The following GNG4 variants were observed in gnomAD, a reference collection of about 807,000 sequenced individuals.
GNG4 encodes guanine nucleotide-binding protein G(I)/G(S)/G(O) subunit gamma-4.
Under a neutral mutation model 5.8 loss-of-function variants are expected in GNG4, and 4 were observed. That is an observed-to-expected ratio of 0.69 (90% CI 0.34 to 1.57). The LOEUF (loss-of-function observed/expected upper bound fraction) is 1.57, where lower values mean the gene tolerates loss of function less well. Ranked by LOEUF, GNG4 falls within the 40% of genes most tolerant of loss-of-function variation. The probability of loss-of-function intolerance (pLI) is 0.06; values close to 1 mark genes in which losing one functional copy is unlikely to be tolerated. For missense variants in GNG4, 96 were observed against 95.1 expected (o/e 1.01, Z -0.04); for synonymous variants, 29 against 32.9 (o/e 0.88, Z 0.41).
chr1:235,586,619 AC>A (rs1453060021), intron 2 of GNG4, among the ~76,000 whole-genome samples: 2 of 152,162 alleles, frequency 1.3e-5, no homozygotes, highest in Non-Finnish European at 2.9e-5. Flanking sequence ...GCTCAGCGCC[AC>A]CCTTTGGTGA....
chr1:235,617,889 T>TAAAAAAAAAA (rs34128028), intron 1 of GNG4, among the ~76,000 whole-genome samples: 3 of 109,716 alleles, frequency 2.7e-5, no homozygotes, highest in African/African-American at 7.4e-5. Context: ...TGCCTCTATC[T>TAAAAAAAAAA]AAAAAAAAAA....
intron 1 of GNG4, among the ~76,000 whole-genome samples, chr1:235,603,495 G>A (rs1688297555): frequency 6.6e-6 from 1 of 152,112 alleles, no homozygotes; most frequent in African/African-American, 2.4e-5. Context: ...CTCCCACCCA[G>A]ACACCCAGGG....
chr1:235,612,235 C>T (rs547187437), intron 1 of GNG4, among the ~76,000 whole-genome samples: 4 of 152,284 alleles, frequency 2.6e-5, no homozygotes, highest in South Asian at 4.1e-4. Context: ...GATGACAGAA[C>T]GTGCTCCGAT....
chr1:235,634,668 C>G (rs777646081), intron 1 of GNG4, among the ~76,000 whole-genome samples: 1 of 152,352 alleles, frequency 6.6e-6, no homozygotes, highest in East Asian at 1.9e-4. Flanking sequence ...GCTGGCTGGA[C>G]GCAGTGGCTC....
intron 3 of GNG4, among the ~76,000 whole-genome samples, chr1:235,562,085 C>T (rs1687077103): frequency 6.6e-6 from 1 of 152,162 alleles, no homozygotes; most frequent in Non-Finnish European, 1.5e-5. Flanking sequence ...ATGGTATTGG[C>T]TTTGCACCTT....
Position 235,549,568 on chromosome 1 carries a change from T to C in GNG4, c.*2541A>G, listed in dbSNP as rs1686684061. Reference sequence around the variant, plus strand: ...TGACGTGAAGCACAGAATAAAGAGATCCTGGTCATAACTGCACTATCAAAG... The same window carrying C: ...TGACGTGAAGCACAGAATAAAGAGACCCTGGTCATAACTGCACTATCAAAG... On this transcript the variant is annotated 3_prime_UTR_variant, in exon 4 of 4. Coordinates refer to ENST00000391854, the MANE Select transcript of GNG4 (RefSeq NM_001098722.2). 2 of 152,198 alleles carry C rather than the reference T, an allele frequency of 1.3e-5. No individual in the cohort carries two copies. Among genetic ancestry groups the C allele is most frequent in the African/African-American group, 4.8e-5 (2 of 41,446 alleles). 9.4% of individuals were successfully genotyped at this position (152,198 alleles called of 1,614,324 possible). A position where few individuals can be genotyped will look rare whatever the true frequency, so the allele number is the denominator to read the frequency against.
At chr1:235,628,161 C>T (rs1688856336) in intron 1 of GNG4, among the ~76,000 whole-genome samples, 1 of 152,126 alleles carries the variant, frequency 6.6e-6, no homozygotes, top group South Asian at 2.1e-4. Context: ...GCCTGGGCAA[C>T]AAGAGCGAAA....
intron 1 of GNG4, among the ~76,000 whole-genome samples, chr1:235,599,104 T>TTGGTGTGTA (rs1688192292): frequency 1.3e-5 from 2 of 152,018 alleles, no homozygotes; most frequent in African/African-American, 4.8e-5. Context: ...ATCCCACACT[T>TTGGTGTGTA]TGGTGTGTAT....
intron 3 of GNG4, among the ~76,000 whole-genome samples, chr1:235,575,758 G>C (rs144458313): frequency 5.9e-5 from 9 of 152,346 alleles, no homozygotes; most frequent in African/African-American, 2.2e-4. Flanking sequence ...ACAGACATAG[G>C]ATTGACCCAA....
At chr1:235,564,936 G>A (rs1407104942) in intron 3 of GNG4, among the ~76,000 whole-genome samples, 5 of 152,134 alleles carry the variant, frequency 3.3e-5, no homozygotes, top group Admixed American at 3.3e-4. Flanking sequence ...GCCCACCTTG[G>A]CCTCCCAAAA....
chr1:235,570,394 C>CTTTTTT (rs11459490), intron 3 of GNG4, among the ~76,000 whole-genome samples: 15 of 105,552 alleles, frequency 1.4e-4, no homozygotes, highest in Non-Finnish European at 1.6e-4. Context: ...TTCACCTCTT[C>CTTTTTT]TTTTTTTTTT....
chr1:235,582,776 G>A (rs920301632), intron 3 of GNG4, among the ~76,000 whole-genome samples: 1 of 152,162 alleles, frequency 6.6e-6, no homozygotes, highest in Non-Finnish European at 1.5e-5. Context: ...CTTACATCAC[G>A]CTGGATTCCT....
intron 1 of GNG4, among the ~76,000 whole-genome samples, chr1:235,645,463 A>G (rs1281655150): frequency 6.6e-6 from 1 of 152,206 alleles, no homozygotes; most frequent in Non-Finnish European, 1.5e-5. Context: ...TTGGAGGAAC[A>G]TGTAAACACT....
At chr1:235,603,550 ACT>A (rs1408189030) in intron 1 of GNG4, among the ~76,000 whole-genome samples, 1 of 151,768 alleles carries the variant, frequency 6.6e-6, no homozygotes, top group Non-Finnish European at 1.5e-5. Flanking sequence ...CAGGGGGATG[ACT>A]CTTCCCCACT....
chr1:235,627,379 T>G (rs1377559480), intron 1 of GNG4, among the ~76,000 whole-genome samples: 1 of 151,992 alleles, frequency 6.6e-6, no homozygotes, highest in African/African-American at 2.4e-5. Context: ...TCCGCCACCA[T>G]GCCCAGCTAA....
At chr1:235,574,640 T>TA (rs1687430315) in intron 3 of GNG4, among the ~76,000 whole-genome samples, 3 of 152,242 alleles carry the variant, frequency 2.0e-5, no homozygotes, top group Admixed American at 2.0e-4. Flanking sequence ...CAAAGACTTG[T>TA]AAATTCAACT....
Position 235,552,062 on chromosome 1 carries a change from G to T in GNG4, c.*47C>A. 6.3e-7 allele frequency: 1 copy of T among 1,590,264 alleles called. No homozygotes were observed. The highest frequency in any genetic ancestry group is 2.2e-5 in the East Asian group (1 of 44,628). On this transcript the variant is annotated 3_prime_UTR_variant, in exon 4 of 4. Transcript: ENST00000391854. Reference sequence around the variant, plus strand: ...GCTTAGAGCATGCATGGTCTCTACAGGGGACTTTGAAGGTCAGAAAAGGAG... The same window carrying T: ...GCTTAGAGCATGCATGGTCTCTACATGGGACTTTGAAGGTCAGAAAAGGAG...
chr1:235,556,647 A>T (rs1686917387), intron 3 of GNG4, among the ~76,000 whole-genome samples: 1 of 149,668 alleles, frequency 6.7e-6, no homozygotes, highest in Non-Finnish European at 1.5e-5. Flanking sequence ...GGCACGAGGG[A>T]GTGGTTTCGT....
At chr1:235,606,879 C>T (rs1275635324) in intron 1 of GNG4, among the ~76,000 whole-genome samples, 1 of 151,760 alleles carries the variant, frequency 6.6e-6, no homozygotes, top group Non-Finnish European at 1.5e-5. Flanking sequence ...AAGGAAGCCG[C>T]ATGCTCACTT....
Sources: gnomAD v4.1 joint callset for allele counts (sites outside exome capture counted in the v4.1 genomes callset) on GRCh38, gnomAD v4.1.1 for gene constraint, MANE v1.5 for transcripts, NCBI Gene and HGNC (gene_info 2026-07-23, HGNC 2026-07-21) for gene names.